Variants in ERO1A observed in about 807,000 individuals in gnomAD.
The protein encoded by ERO1A is ERO1-like protein alpha.
A neutral mutation model predicts 76.9 loss-of-function variants in ERO1A; 49 were observed. That is an observed-to-expected ratio of 0.64 (90% CI 0.51 to 0.81). ERO1A has a LOEUF of 0.81. Among genes scored for constraint, ERO1A ranks in the 30% least tolerant of loss-of-function variants. The probability of loss-of-function intolerance (pLI) is 0.00; values close to 1 mark genes in which losing one functional copy is unlikely to be tolerated. For synonymous variants in ERO1A, 174 were observed against 181.2 expected, an observed-to-expected ratio of 0.96 and a Z score of 0.32; for missense variants, 448 against 542.1, an observed-to-expected ratio of 0.83 and a Z score of 1.72.
At chr14:52,694,800 AG>A (rs2139809710) in intron 1 of ERO1A, among the ~76,000 whole-genome samples, 1 of 152,278 alleles carries the variant, frequency 6.6e-6, no homozygotes, top group African/African-American at 2.4e-5. Flanking sequence ...ATTACATTCG[AG>A]AAAAAGAGCA....
Position 52,683,814 on chromosome 14 carries a change from C to A in ERO1A, c.208G>T (p.Glu70Ter). The change falls in exon 2 of 16, where the codon GAA becomes TAA. Residue 70 changes from glutamate to a stop codon, truncating the protein, a stop_gained. Transcript: ENST00000395686. LOFTEE classifies it high-confidence loss of function. ...TTGTAATACCTAAAGTAGTCACTTTCAAGAAGTTTTTGTAGTCTTGGGAAA... is the reference window on the plus strand; with the variant it reads ...TTGTAATACCTAAAGTAGTCACTTTAAAGAAGTTTTTGTAGTCTTGGGAAA... ...RLFPRLQKLL[E>*]SDYFRYYKVN... 1 of 1,530,056 alleles carries A rather than the reference C, an allele frequency of 6.5e-7. No individual in the cohort carries two copies. The highest frequency in any genetic ancestry group is 9.0e-7 in the Non-Finnish European group (1 of 1,116,830). 94.8% of individuals were successfully genotyped at this position (1,530,056 alleles called of 1,614,324 possible). A position where few individuals can be genotyped will look rare whatever the true frequency, so the allele number is the denominator to read the frequency against.
At chr14:52,686,542 C>CA (rs1594835854) in intron 1 of ERO1A, among the ~76,000 whole-genome samples, 1 of 151,692 alleles carries the variant, frequency 6.6e-6, no homozygotes, top group African/African-American at 2.4e-5. Flanking sequence ...CAAGAGACCT[C>CA]AAAGGGAAAG....
intron 1 of ERO1A, among the ~76,000 whole-genome samples, chr14:52,685,046 C>T (rs1271957034): frequency 1.3e-5 from 2 of 151,962 alleles, no homozygotes; most frequent in Non-Finnish European, 2.9e-5. Context: ...TTAGGAAGAT[C>T]TATAGCCTAG....
intron 13 of ERO1A, chr14:52,647,072 T>G (rs1320543038): frequency 7.5e-6 from 1 of 133,530 alleles, no homozygotes; most frequent in Non-Finnish European, 1.5e-5. Flanking sequence ...GCCTCCCAGG[T>G]TCACACCATT....
chr14:52,662,704 G>A (rs1349536913), intron 8 of ERO1A, among the ~76,000 whole-genome samples: 1 of 152,178 alleles, frequency 6.6e-6, no homozygotes, highest in African/African-American at 2.4e-5. Flanking sequence ...TGCCTAGCAG[G>A]TAGTAAATGG....
intron 13 of ERO1A, among the ~76,000 whole-genome samples, chr14:52,650,710 T>C (rs1013804339): frequency 6.6e-6 from 1 of 152,188 alleles, no homozygotes. Flanking sequence ...TGACCCCCTC[T>C]GGAAATCCCT....
At chr14:52,659,802 T>C (rs2040170784) in intron 9 of ERO1A, among the ~76,000 whole-genome samples, 1 of 149,008 alleles carries the variant, frequency 6.7e-6, no homozygotes, top group African/African-American at 2.5e-5. Flanking sequence ...TCAGTGTTTG[T>C]GTGTGTGTGT....
At chr14:52,678,262 T>C (rs1481761841) in intron 4 of ERO1A, 172 bp downstream of exon 4, 4 of 456,500 alleles carry the variant, frequency 8.8e-6, no homozygotes, top group South Asian at 5.4e-5. Flanking sequence ...ATAAAATACA[T>C]AAAAAATAAA....
In ERO1A at chr14:52,658,168, A is replaced by C; in HGVS notation, c.689-18T>G. On this transcript the variant is annotated intron_variant, in intron 9 of 15. Transcript: ENST00000395686. ...AGTGTTCTCTGAAATCAAAAGAAAA[A>C]TAAGTCATAAGAATAGAAAAATGCC... 6.8e-7 allele frequency: 1 copy of C among 1,474,868 alleles called. No individual in the cohort carries two copies. Among genetic ancestry groups the C allele is most frequent in the African/African-American group, 1.4e-5 (1 of 70,616 alleles). The allele number at this position is 1,474,868 out of a possible 1,614,324, so 91.4% of individuals were successfully genotyped here.
chr14:52,655,313 C>G (rs1418224167), intron 11 of ERO1A, among the ~76,000 whole-genome samples: 1 of 151,434 alleles, frequency 6.6e-6, no homozygotes. Flanking sequence ...TGTAGTGAGC[C>G]AAGATTGCAC....
chr14:52,673,747 C>CTT (rs35558820), intron 4 of ERO1A, among the ~76,000 whole-genome samples: 41 of 151,686 alleles, frequency 2.7e-4, no homozygotes, highest in African/African-American at 8.0e-4. Flanking sequence ...ACAATTACTC[C>CTT]TTTTTTTTGA....
rs928140761 is a variant in ERO1A at position 52,641,307 on chromosome 14, T to TA, written c.*2262dup. On this transcript the variant is annotated 3_prime_UTR_variant, in exon 16 of 16. Transcript: ENST00000395686. ...ATATTCCTTCAAAAAGATTGGCAGCTAAAAAAAAAAGAGGCCGGGCGTGGT... is the reference window on the plus strand; with the variant it reads ...ATATTCCTTCAAAAAGATTGGCAGCTAAAAAAAAAAAGAGGCCGGGCGTGGT... 431 of 144,464 alleles carry TA rather than the reference T, an allele frequency of 3.0e-3. 2 individuals carry two copies. The highest frequency in any genetic ancestry group is 9.9e-3 in the African/African-American group (391 of 39,522). 8.9% of individuals were successfully genotyped at this position (144,464 alleles called of 1,614,324 possible).
rs143003730 is a variant in ERO1A, at chr14:52,664,124, G to A, written c.630-277C>T. On this transcript the variant is annotated intron_variant, in intron 7 of 15. Transcript: ENST00000395686. Reference sequence around the variant, plus strand: ...AAAATATCAGCCAAGCTCTTCTCTCGGAGTCACTACTATGTTTTTATATAT... The same window carrying A: ...AAAATATCAGCCAAGCTCTTCTCTCAGAGTCACTACTATGTTTTTATATAT... 3.1e-3 allele frequency: 778 copies of A among 247,686 alleles called. 5 individuals carry two copies. Among genetic ancestry groups the A allele is most frequent in the African/African-American group, 0.017 (739 of 44,456 alleles). The allele number at this position is 247,686 out of a possible 1,614,324, so 15.3% of individuals were successfully genotyped here. A position where few individuals can be genotyped will look rare whatever the true frequency, so the allele number is the denominator to read the frequency against.
At chr14:52,654,865 ATGCCATGTCATT>A in intron 11 of ERO1A, among the ~76,000 whole-genome samples, 1 of 152,252 alleles carries the variant, frequency 6.6e-6, no homozygotes, top group East Asian at 1.9e-4. Context: ...TGTTGTCTTC[ATGCCATGTCATT>A]TTACATGGTA....
At chr14:52,690,550 G>A (rs2041320684) in intron 1 of ERO1A, among the ~76,000 whole-genome samples, 1 of 152,100 alleles carries the variant, frequency 6.6e-6, no homozygotes, top group Non-Finnish European at 1.5e-5. Flanking sequence ...AAATCAGCCT[G>A]GCCAACAGGG....
chr14:52,695,426 C>A lies in ERO1A; in HGVS notation c.56G>T (p.Ser19Ile). The A allele has an allele frequency of 6.4e-7, 1 of 1,553,964 alleles. No individual in the cohort carries two copies. Among genetic ancestry groups the A allele is most frequent in the Non-Finnish European group, 8.7e-7 (1 of 1,150,272 alleles). Residue 19 changes from serine (S) to isoleucine (I), a missense_variant, in exon 1 of 16, where the codon AGC (serine) becomes ATC (isoleucine). Ser to Ile is a moderately radical substitution (Grantham distance 142). This residue lies in a region of ERO1A where 146 missense variants were observed against 130.2 expected (regional missense o/e 1.12). Transcript: ENST00000395686. ...GGGCTGCTCCTCTCCGTGGCCCGAG[C>A]TGAGCAGCCACACGGCGCCCAGGAG... Reference protein sequence around the residue: ...FGLLGAVWLLSSGHGEEQPPE... With the variant: ...FGLLGAVWLLISGHGEEQPPE...
chr14:52,679,448 C>T (rs1023930687), intron 3 of ERO1A, among the ~76,000 whole-genome samples: 1 of 150,176 alleles, frequency 6.7e-6, no homozygotes, highest in African/African-American at 2.5e-5. Context: ...GGGTCTCACT[C>T]TGTTGCCCAG....
intron 15 of ERO1A, among the ~76,000 whole-genome samples, 194 bp from the exon 16 acceptor site, chr14:52,643,824 A>C (rs1167944303): frequency 6.6e-6 from 1 of 152,210 alleles, no homozygotes; most frequent in African/African-American, 2.4e-5. Flanking sequence ...AATGTCTAGA[A>C]ATTAGTTATT....
chr14:52,678,411 CATCA>C lies in ERO1A; in HGVS notation c.357+19_357+22del. On this transcript the variant is annotated intron_variant, in intron 4 of 15. Coordinates refer to ENST00000395686, the MANE Select transcript of ERO1A (RefSeq NM_014584.3). ...AAGTTTTTCATTAAGATACTGGACA[CATCA>C]ATAGGTATACGTACACACCTTGTAG... is the stretch of plus-strand genomic sequence containing the variant. The C allele has an allele frequency of 6.2e-7, 1 of 1,604,300 alleles. No homozygotes were observed. The highest frequency in any genetic ancestry group is 8.5e-7 in the Non-Finnish European group (1 of 1,172,272).
Sources: gnomAD v4.1 joint callset for allele counts (sites outside exome capture counted in the v4.1 genomes callset) on GRCh38, gnomAD v4.1.1 for gene constraint, gnomAD v4.1.1 regional missense constraint, MANE v1.5 for transcripts, NCBI Gene and HGNC (gene_info 2026-07-23, HGNC 2026-07-21) for gene names.